Variants in DOCK3 observed in about 807,000 individuals in gnomAD.
DOCK3 encodes dedicator of cytokinesis 3, also known as dedicator of cytokinesis protein 3.
DOCK3 carries 60 observed loss-of-function variants against 265.6 expected under a neutral mutation model. The ratio of observed to expected loss-of-function variants is 0.23; its 90% CI spans 0.18 to 0.28. DOCK3 has a LOEUF of 0.28. Among genes scored for constraint, DOCK3 ranks in the 10% least tolerant of loss-of-function variants. The pLI is 1.00. For missense variants in DOCK3, 1,981 were observed against 2,594.3 expected (o/e 0.76, Z 5.14); for synonymous variants, 881 against 938.0 (o/e 0.94, Z 1.11).
intron 20 of DOCK3, among the ~76,000 whole-genome samples, chr3:51,236,677 C>T (rs1051633455): frequency 6.6e-6 from 1 of 152,120 alleles, no homozygotes; most frequent in Non-Finnish European, 1.5e-5. Context: ...ATCACTATTG[C>T]AGTATGCCTG....
intron 32 of DOCK3, among the ~76,000 whole-genome samples, chr3:51,329,829 G>C (rs2109946359): frequency 6.6e-6 from 1 of 152,214 alleles, no homozygotes; most frequent in Middle Eastern, 3.4e-3. Context: ...TCTGAAAAAG[G>C]CCTCTTTTGA....
intron 9 of DOCK3, among the ~76,000 whole-genome samples, chr3:51,096,616 A>G (rs2082868721): frequency 6.6e-6 from 1 of 152,076 alleles, no homozygotes; most frequent in Non-Finnish European, 1.5e-5. Context: ...GGAGTTTGTT[A>G]TTACCCACCT....
At chr3:51,072,759 G>A (rs943866920) in intron 6 of DOCK3, among the ~76,000 whole-genome samples, 1 of 151,948 alleles carries the variant, frequency 6.6e-6, no homozygotes, top group African/African-American at 2.4e-5. Context: ...AAGCCCGAGT[G>A]AAGTGACACA....
chr3:50,735,983 G>A (rs1488476085), intron 1 of DOCK3, among the ~76,000 whole-genome samples: 3 of 152,138 alleles, frequency 2.0e-5, no homozygotes, highest in Non-Finnish European at 4.4e-5. Context: ...CATGTGCCAT[G>A]TTGGTGTGCT....
At chr3:50,680,574 T>C (rs1023420056) in intron 1 of DOCK3, among the ~76,000 whole-genome samples, 37 of 150,200 alleles carry the variant, frequency 2.5e-4, no homozygotes, top group Admixed American at 6.7e-5. Flanking sequence ...GCTTGTGTGC[T>C]ATGGCATGAT....
chr3:50,891,579 C>T (rs1000328929), intron 4 of DOCK3, among the ~76,000 whole-genome samples: 2 of 151,992 alleles, frequency 1.3e-5, no homozygotes, highest in Admixed American at 6.6e-5. Flanking sequence ...GAGAGTATTT[C>T]GACTTGGGAT....
At chr3:50,948,401 C>CTT (rs59584829) in intron 5 of DOCK3, among the ~76,000 whole-genome samples, 8,406 of 98,626 alleles carry the variant, frequency 0.085, 1,175 homozygotes, top group East Asian at 0.35. Context: ...AAGTTTTAAT[C>CTT]TTTTTTTTTT....
At chr3:51,352,379 A>G (rs1432337962) in intron 40 of DOCK3, among the ~76,000 whole-genome samples, 3 of 152,120 alleles carry the variant, frequency 2.0e-5, no homozygotes, top group African/African-American at 7.2e-5. Flanking sequence ...TCGTAGTCCA[A>G]CCTGTTTCCC....
rs148160557 is a variant in DOCK3 at position 51,150,931 on chromosome 3, G to A, written c.828+4301G>A. Among the ~76,000 whole-genome samples, 1,110 of 152,320 alleles carry A rather than the reference G, an allele frequency of 7.3e-3. 17 individuals are homozygous for A. The highest frequency in any genetic ancestry group is 0.025 in the African/African-American group (1,047 of 41,564). ...CTCGTTGATCTGTCTAATGTTGACA[G>A]TGGGGTGTTAAAGTCTCCCATTATT... On this transcript the variant is annotated intron_variant, in intron 10 of 52. Transcript: ENST00000266037.
chr3:51,277,800 G>A (rs1047121578), intron 26 of DOCK3, 46 bp downstream of exon 26: 8 of 1,576,944 alleles, frequency 5.1e-6, no homozygotes, highest in East Asian at 4.6e-5. Flanking sequence ...TTCTAACCCG[G>A]GGCTTCTCCA....
At chr3:51,017,213 A>G (rs774379727) in intron 5 of DOCK3, among the ~76,000 whole-genome samples, 5 of 150,694 alleles carry the variant, frequency 3.3e-5, no homozygotes, top group African/African-American at 7.4e-5. Flanking sequence ...TTTCTGTGGT[A>G]TCAGTTGTGA....
chr3:50,962,621 T>A (rs2076919347), intron 5 of DOCK3, among the ~76,000 whole-genome samples: 1 of 152,228 alleles, frequency 6.6e-6, no homozygotes, highest in Non-Finnish European at 1.5e-5. Flanking sequence ...TGAATATTTT[T>A]ATAAAAATTC....
intron 7 of DOCK3, among the ~76,000 whole-genome samples, chr3:51,081,189 G>A (rs2082224767): frequency 6.6e-6 from 1 of 152,030 alleles, no homozygotes; most frequent in Admixed American, 6.6e-5. Context: ...AAATATATGT[G>A]TTTGGAAAAG....
intron 27 of DOCK3, among the ~76,000 whole-genome samples, chr3:51,283,889 C>G (rs1160316986): frequency 1.3e-5 from 2 of 152,194 alleles, no homozygotes; most frequent in Non-Finnish European, 2.9e-5. Flanking sequence ...CCTCCTGAAA[C>G]AGTGCAGAGA....
chr3:50,806,204 G>T (rs1253517480), intron 2 of DOCK3, among the ~76,000 whole-genome samples: 2 of 152,034 alleles, frequency 1.3e-5, no homozygotes, highest in African/African-American at 2.4e-5. Context: ...TGCCAGGGGT[G>T]GCTCATGAGG....
chr3:51,121,714 G>T (rs1359234678), intron 9 of DOCK3, among the ~76,000 whole-genome samples: 1 of 152,150 alleles, frequency 6.6e-6, no homozygotes, highest in Non-Finnish European at 1.5e-5. Flanking sequence ...GGGGAATGAG[G>T]GAGAGAAAGG....
rs557447468 is a variant in DOCK3 at position 50,822,767 on chromosome 3, T to C, written c.122-18908T>C. On this transcript the variant is annotated intron_variant, in intron 2 of 52. Coordinates refer to ENST00000266037, the MANE Select transcript of DOCK3 (RefSeq NM_004947.5). ...CCTCGGCCTCCTAAAATGCTGGGATTATAGGCATGGGCCACTGTGCCTGGC... is the reference window on the plus strand; with the variant it reads ...CCTCGGCCTCCTAAAATGCTGGGATCATAGGCATGGGCCACTGTGCCTGGC... Among the ~76,000 whole-genome samples, 17 of 152,330 alleles carry C rather than the reference T, an allele frequency of 1.1e-4. No individual in the cohort carries two copies. The South Asian group carries it at 3.3e-3, about 30-fold the overall frequency.
At chr3:50,939,080 A>G (rs955044849) in intron 5 of DOCK3, among the ~76,000 whole-genome samples, 13 of 152,064 alleles carry the variant, frequency 8.5e-5, no homozygotes, top group Admixed American at 7.2e-4. Context: ...CTAATTACCA[A>G]TTTATCAAGA....
chr3:51,032,544 A>T (rs545109256), intron 5 of DOCK3, among the ~76,000 whole-genome samples: 21 of 151,932 alleles, frequency 1.4e-4, no homozygotes, highest in Non-Finnish European at 2.6e-4. Context: ...ACTATTTTCA[A>T]TCTTGTGTTC....
Sources: allele counts gnomAD v4.1 joint callset (sites outside exome capture counted in the v4.1 genomes callset), GRCh38; gene constraint gnomAD v4.1.1; transcripts MANE v1.5; gene names NCBI Gene and HGNC (gene_info 2026-07-23, HGNC 2026-07-21).